POU2F2: variants seen among roughly 807,000 people sequenced by gnomAD.
The protein encoded by POU2F2 is POU domain, class 2, transcription factor 2.
In POU2F2, 14 loss-of-function variants were observed where a neutral mutation model predicts 63.5. The observed-to-expected ratio is 0.22, with a 90% CI of 0.15 to 0.34. POU2F2 has a LOEUF of 0.34. Ranked by LOEUF, POU2F2 falls within the 10% of genes least tolerant of loss-of-function variation. The pLI is 1.00. For synonymous variants in POU2F2, 306 were observed against 348.6 expected (o/e 0.88, Z 1.36); for missense variants, 607 against 815.2 (o/e 0.74, Z 3.11).
At chr19:42,161,942 C>A (rs1197349959) in intron 1 of POU2F2, among the ~76,000 whole-genome samples, 1 of 152,202 alleles carries the variant, frequency 6.6e-6, no homozygotes, top group East Asian at 1.9e-4. Context: ...ATCGATGCAG[C>A]GCGCAGGGCA....
chr19:42,125,687 G>A (rs183924829), intron 1 of POU2F2, among the ~76,000 whole-genome samples: 3 of 152,186 alleles, frequency 2.0e-5, no homozygotes, highest in Non-Finnish European at 2.9e-5. Flanking sequence ...TCTGGCCTCC[G>A]TCCCTCCAGC....
intron 5 of POU2F2, among the ~76,000 whole-genome samples, chr19:42,112,760 A>G (rs1226813126): frequency 6.6e-6 from 1 of 152,122 alleles, no homozygotes; most frequent in South Asian, 2.1e-4. Flanking sequence ...AAACAGGGAG[A>G]CAGACCCCTG....
intron 1 of POU2F2, among the ~76,000 whole-genome samples, chr19:42,166,779 T>C (rs2034660253): frequency 6.6e-6 from 1 of 152,064 alleles, no homozygotes; most frequent in Non-Finnish European, 1.5e-5. Flanking sequence ...GAGGCTCAGG[T>C]AGGAGGTGGA....
chr19:42,129,705 T>C (rs1009797575), intron 1 of POU2F2, among the ~76,000 whole-genome samples: 24 of 152,232 alleles, frequency 1.6e-4, no homozygotes, highest in African/African-American at 4.8e-4. Context: ...TGGGCCCAGC[T>C]GGCCGAGCCC....
chr19:42,150,211 C>A (rs578009967), intron 2 of POU2F2, among the ~76,000 whole-genome samples: 1 of 152,224 alleles, frequency 6.6e-6, no homozygotes, highest in Admixed American at 6.5e-5. Flanking sequence ...CTGTGCCCCC[C>A]AAGACCACCC....
chr19:42,153,187 C>T lies in POU2F2; in HGVS notation c.-9+7145G>A, dbSNP rs757466842. 3.3e-5 allele frequency among the ~76,000 whole-genome samples: 5 copies of T among 152,142 alleles called. No homozygotes were observed. The highest frequency in any genetic ancestry group is 9.7e-5 in the African/African-American group (4 of 41,398). On this transcript the variant is annotated intron_variant, in intron 2 of 6. Coordinates refer to the POU2F2 transcript ENST00000524801. The surrounding 1 kb of genome is among the most constrained non-coding windows in gnomAD (Gnocchi z 5.6). ...TCTGTGGTGTGCGAGCTGCCATGGA[C>T]GCAGGGTGTGCATGTGTCCTCAGGC...
chr19:42,189,764 C>T (rs1181707737), intron 1 of POU2F2, among the ~76,000 whole-genome samples: 1 of 152,106 alleles, frequency 6.6e-6, no homozygotes, highest in African/African-American at 2.4e-5. Context: ...TTGAGATACT[C>T]TGTCACCTAG....
intron 2 of POU2F2, among the ~76,000 whole-genome samples, chr19:42,143,442 T>G (rs180673389): frequency 2.1e-4 from 32 of 152,344 alleles, no homozygotes; most frequent in African/African-American, 7.2e-4. Context: ...CATTGCAATA[T>G]CATCTGTTTC....
rs368711162 is a variant in POU2F2 at position 42,107,885 on chromosome 19, T to C, written c.370-8064A>G. Among the ~76,000 whole-genome samples, 34 of 152,248 alleles carry C rather than the reference T, an allele frequency of 2.2e-4. 1 individual carries two copies. In the South Asian group the frequency reaches 7.1e-3, roughly 32 times the overall value. ...CCACCCCCGCTTACCTCTCCTTCCTTGCCTCACACAACTCTAACTCCCTAA... is the reference window on the plus strand; with the variant it reads ...CCACCCCCGCTTACCTCTCCTTCCTCGCCTCACACAACTCTAACTCCCTAA... On this transcript the variant is annotated intron_variant, in intron 5 of 14. Coordinates refer to ENST00000692977, the MANE Select transcript of POU2F2 (RefSeq NM_001394376.1).
Position 42,091,381 on chromosome 19 carries a change from T to C in POU2F2, c.1751A>G (p.Lys584Arg). ...AAAVAASISS[K>R]SPGLSSSSSS... ...GGATGAGGAGGAGAGGCCAGGAGAC[T>C]TGCTGGAGATGGAGGCTGCCACAGC... Residue 584 changes from lysine to arginine, a missense_variant, in exon 15 of 15, where the codon AAG becomes AGG. Coordinates refer to ENST00000692977, the MANE Select transcript of POU2F2 (RefSeq NM_001394376.1). 6.5e-7 allele frequency: 1 copy of C among 1,542,500 alleles called. No homozygotes were observed. Among genetic ancestry groups the C allele is most frequent in the Non-Finnish European group, 8.7e-7 (1 of 1,146,846 alleles).
At chr19:42,182,823 G>T (rs1006589493) in intron 1 of POU2F2, among the ~76,000 whole-genome samples, 2 of 152,176 alleles carry the variant, frequency 1.3e-5, no homozygotes, top group Non-Finnish European at 2.9e-5. Context: ...GAGGAGTGGA[G>T]AGACTTGCAG....
intron 12 of POU2F2, among the ~76,000 whole-genome samples, chr19:42,093,275 G>A (rs903228384): frequency 6.6e-6 from 1 of 151,732 alleles, no homozygotes; most frequent in African/African-American, 2.4e-5. Flanking sequence ...CTCCCAAAGA[G>A]CAGGGATTAT....
rs775249997 is a variant in POU2F2, at chr19:42,122,559, G to T, written c.46C>A (p.Pro16Thr). ...AGACCTTGCTTCTCGGCCTCCAGGG[G>T]CTTAGACATTCTTATTTCTGGGGAC... is the stretch of plus-strand genomic sequence containing the variant. ...MGAPEIRMSK[P>T]LEAEKQGLDS... The change falls in exon 2 of 15, where the codon CCC becomes ACC. Residue 16 changes from proline (P) to threonine (T), a missense_variant. By Grantham distance (38) the Pro-to-Thr change is conservative. Around this residue, in one of 7 missense-constraint regions of POU2F2, gnomAD observed 224 missense variants for 264.3 expected, o/e 0.85. Transcript: ENST00000692977. 4.4e-6 allele frequency: 7 copies of T among 1,593,468 alleles called. No individual in the cohort carries two copies. The highest frequency in any genetic ancestry group is 4.1e-5 in the African/African-American group (3 of 73,898).
Position 42,172,119 on chromosome 19 carries a change from C to T in POU2F2, c.-70+3844G>A, listed in dbSNP as rs189992777. 2.1e-3 allele frequency among the ~76,000 whole-genome samples: 321 copies of T among 152,304 alleles called. 2 individuals carry two copies. The highest frequency in any genetic ancestry group is 6.8e-3 in the Middle Eastern group (2 of 294). On this transcript the variant is annotated intron_variant, in intron 1 of 6. Coordinates refer to the POU2F2 transcript ENST00000524801. ...CCTGGGCTGCTTTCTCCTCACTTTC[C>T]TCTGCCATCTTTATGCCCTGCCACC...
At chr19:42,137,963 A>T (rs1430705561) in intron 2 of POU2F2, among the ~76,000 whole-genome samples, 1 of 152,276 alleles carries the variant, frequency 6.6e-6, no homozygotes, top group East Asian at 1.9e-4. Flanking sequence ...AGAAGAGAAG[A>T]TAGGAGACGA....
chr19:42,123,431 C>T (rs2032877544), intron 1 of POU2F2, among the ~76,000 whole-genome samples: 1 of 152,168 alleles, frequency 6.6e-6, no homozygotes, highest in African/African-American at 2.4e-5. Flanking sequence ...GTCCTCAAAG[C>T]GCTCTGATAC....
At chr19:42,134,400 T>A (rs1385364529), upstream of POU2F2, 1 of 152,278 alleles carries the variant, frequency 6.6e-6, no homozygotes, top group African/African-American at 2.4e-5. Flanking sequence ...GAAGGCTGTA[T>A]ACGCTCCCTG....
chr19:42,095,504 C>T lies in POU2F2; in HGVS notation c.1020+41G>A. On this transcript the variant is annotated intron_variant, in intron 10 of 14. Coordinates refer to ENST00000692977, the MANE Select transcript of POU2F2 (RefSeq NM_001394376.1). The surrounding 1 kb of genome is among the most constrained non-coding windows in gnomAD (Gnocchi z 7.1). Reference sequence around the variant, plus strand: ...CGTTAGCCCGAGGCCCACCGCCCGCCACCCCTCAGGTGAGGGCCACCCAGG... The same window carrying T: ...CGTTAGCCCGAGGCCCACCGCCCGCTACCCCTCAGGTGAGGGCCACCCAGG... The T allele has an allele frequency of 6.2e-7, 1 of 1,606,100 alleles. No homozygotes were observed. Among genetic ancestry groups the T allele is most frequent in the Non-Finnish European group, 8.5e-7 (1 of 1,176,218 alleles).
chr19:42,192,281 G>C (rs944044734), intron 1 of POU2F2, among the ~76,000 whole-genome samples: 1 of 152,156 alleles, frequency 6.6e-6, no homozygotes, highest in African/African-American at 2.4e-5. Flanking sequence ...AAGTGACCAG[G>C]GAGTCAACGG....
Sources: gnomAD v4.1 joint callset for allele counts (sites outside exome capture counted in the v4.1 genomes callset) on GRCh38, gnomAD v4.1.1 for gene constraint, gnomAD v4.1.1 regional missense constraint, Gnocchi (gnomAD v3.1) non-coding constraint, MANE v1.5 for transcripts, NCBI Gene and HGNC (gene_info 2026-07-23, HGNC 2026-07-21) for gene names.